PDE1C: variants seen among roughly 807,000 people sequenced by gnomAD.
The protein encoded by PDE1C is dual specificity calcium/calmodulin-dependent 3',5'-cyclic nucleotide phosphodiesterase 1C.
A neutral mutation model predicts 93.1 loss-of-function variants in PDE1C; 62 were observed. That is an observed-to-expected ratio of 0.67 (90% confidence interval 0.54 to 0.82). PDE1C has a LOEUF of 0.82. Among genes scored for constraint, PDE1C ranks in the 40% least tolerant of loss-of-function variants. The pLI, the probability that PDE1C is intolerant of heterozygous loss-of-function variation, is 0.00. For synonymous variants in PDE1C, 325 were observed against 310.1 expected (o/e 1.05, Z -0.50); for missense variants, 742 against 884.6 (o/e 0.84, Z 2.04).
chr7:32,082,963 A>C (rs1364678617), intron 3 of PDE1C, among the ~76,000 whole-genome samples: 1 of 150,634 alleles, frequency 6.6e-6, no homozygotes, highest in African/African-American at 2.5e-5. Context: ...CCTCCAAAGG[A>C]ACGCAGTTCC....
intron 2 of PDE1C, among the ~76,000 whole-genome samples, chr7:31,971,252 G>A (rs888394938): frequency 1.3e-5 from 2 of 152,162 alleles, no homozygotes; most frequent in African/African-American, 2.4e-5. Context: ...ACACTTTGCA[G>A]GGTCTCCCTT....
intron 1 of PDE1C, among the ~76,000 whole-genome samples, chr7:32,324,040 G>A (rs929543724): frequency 6.6e-6 from 1 of 152,068 alleles, no homozygotes; most frequent in Non-Finnish European, 1.5e-5. Context: ...TGCTTTTGTA[G>A]GATATGCAAT....
chr7:32,036,931 T>G lies in PDE1C; in HGVS notation c.128+14623A>C, dbSNP rs190755026. Among the ~76,000 whole-genome samples the G allele has an allele frequency of 3.3e-5, 5 of 152,284 alleles. No individual in the cohort carries two copies. The East Asian group carries it at 9.6e-4, about 29-fold the overall frequency. ...GGGTGGGGTGGGGGTCACAGCAATT[T>G]GTGTTTTAACAGACCTTGCTGGTAA... is the stretch of plus-strand genomic sequence containing the variant. On this transcript the variant is annotated intron_variant, in intron 2 of 17. Transcript: ENST00000396191.
In PDE1C at chr7:32,353,289, C is replaced by G. The variant is rs951417838; in HGVS notation, c.310+74533G>C. ...CACAATTTCAGAGCCTGTTATTGGTCGATTCAGAGATTCAACTTCTTCCTG... is the reference window on the plus strand; with the variant it reads ...CACAATTTCAGAGCCTGTTATTGGTGGATTCAGAGATTCAACTTCTTCCTG... On this transcript the variant is annotated intron_variant, in intron 1 of 1. Coordinates refer to the PDE1C transcript ENST00000672256. 4.9e-4 allele frequency among the ~76,000 whole-genome samples: 4 copies of G among 8,190 alleles called. 1 individual carries two copies. Among genetic ancestry groups the G allele is most frequent in the African/African-American group, 6.3e-4 (4 of 6,352 alleles). The allele number at this position is 8,190 out of a possible 152,430, so 5.4% of individuals were successfully genotyped here.
At chr7:32,220,590 C>T (rs906141759) in intron 1 of PDE1C, among the ~76,000 whole-genome samples, 7 of 151,838 alleles carry the variant, frequency 4.6e-5, no homozygotes, top group Non-Finnish European at 8.8e-5. Context: ...CCGAGGCGGG[C>T]GGATCACGAG....
At chr7:32,319,604 A>G (rs1186102257) in intron 1 of PDE1C, among the ~76,000 whole-genome samples, 1 of 152,248 alleles carries the variant, frequency 6.6e-6, no homozygotes, top group Non-Finnish European at 1.5e-5. Flanking sequence ...GCCATTTGCC[A>G]CAACTCTGTG....
intron 2 of PDE1C, among the ~76,000 whole-genome samples, chr7:31,983,659 G>C (rs1465395289): frequency 1.3e-5 from 2 of 152,114 alleles, no homozygotes; most frequent in Non-Finnish European, 1.5e-5. Flanking sequence ...ATGGTTTACA[G>C]GGAAGGATAC....
intron 1 of PDE1C, among the ~76,000 whole-genome samples, chr7:32,384,402 G>A (rs1784589167): frequency 6.6e-6 from 1 of 152,230 alleles, no homozygotes; most frequent in Non-Finnish European, 1.5e-5. Flanking sequence ...TAATTTGCAA[G>A]ATAAGGGAAG....
At chr7:32,225,968 G>C (rs771565433) in intron 1 of PDE1C, among the ~76,000 whole-genome samples, 1 of 152,166 alleles carries the variant, frequency 6.6e-6, no homozygotes, top group Non-Finnish European at 1.5e-5. Flanking sequence ...TGAGGCAGGA[G>C]AATTGCTTGA....
rs148354191 is a variant in PDE1C at position 32,000,755 on chromosome 7, G to A, written c.128+50799C>T. Reference sequence around the variant, plus strand: ...CCTCCATTCTCTGCCGGGGATGTCTGGTACCCTGGAACCAGAGCCCTTTTC... The same window carrying A: ...CCTCCATTCTCTGCCGGGGATGTCTAGTACCCTGGAACCAGAGCCCTTTTC... On this transcript the variant is annotated intron_variant, in intron 2 of 17. Coordinates refer to ENST00000396191, the MANE Select transcript of PDE1C (RefSeq NM_001191057.4). Among the ~76,000 whole-genome samples the A allele has an allele frequency of 8.0e-3, 1,210 of 152,164 alleles. 11 individuals are homozygous for A. Among genetic ancestry groups the A allele is most frequent in the African/African-American group, 0.026 (1,070 of 41,502 alleles).
intron 1 of PDE1C, among the ~76,000 whole-genome samples, chr7:32,343,794 T>G (rs1217436065): frequency 6.9e-6 from 1 of 144,210 alleles, no homozygotes; most frequent in East Asian, 2.0e-4. Flanking sequence ...ATTTCTGTAT[T>G]TAAATTTTAT....
chr7:32,013,241 C>G (rs748292939), intron 2 of PDE1C, among the ~76,000 whole-genome samples: 3 of 152,148 alleles, frequency 2.0e-5, no homozygotes, highest in Non-Finnish European at 2.9e-5. Context: ...ATCTCCCCTA[C>G]TAGAAACACA....
the PDE1C span, chr7:31,642,821 CTT>C: frequency 6.2e-7 from 1 of 1,613,814 alleles, no homozygotes; most frequent in Non-Finnish European, 8.5e-7. Context: ...GCGAGCATGT[CTT>C]TTTCAAGCCA....
intron 3 of PDE1C, among the ~76,000 whole-genome samples, chr7:32,130,189 C>T (rs1799839061): frequency 6.6e-6 from 1 of 152,066 alleles, no homozygotes; most frequent in African/African-American, 2.4e-5. Flanking sequence ...AAAAGTTATC[C>T]CTTTCGCATT....
intron 3 of PDE1C, among the ~76,000 whole-genome samples, chr7:32,107,271 T>C (rs1250954564): frequency 1.8e-5 from 2 of 111,392 alleles, no homozygotes; most frequent in African/African-American, 7.2e-5. Flanking sequence ...ACAGGTAGGG[T>C]GAGAGGGAGG....
intron 3 of PDE1C, among the ~76,000 whole-genome samples, chr7:32,107,370 G>A (rs1372144469): frequency 6.6e-6 from 1 of 151,822 alleles, no homozygotes; most frequent in Non-Finnish European, 1.5e-5. Flanking sequence ...GAGGGAGCAA[G>A]GGAGGGAAGG....
intron 1 of PDE1C, among the ~76,000 whole-genome samples, chr7:32,318,404 C>G (rs1342605400): frequency 2.0e-5 from 3 of 152,186 alleles, no homozygotes; most frequent in Non-Finnish European, 4.4e-5. Context: ...TGGGAAAACA[C>G]GGGCTCTTCC....
intron 1 of PDE1C, among the ~76,000 whole-genome samples, chr7:32,306,613 T>C (rs987080376): frequency 6.6e-6 from 1 of 152,190 alleles, no homozygotes; most frequent in Non-Finnish European, 1.5e-5. Context: ...GAGATCTTTT[T>C]AAATAAAAAT....
chr7:32,231,040 A>G (rs1807657953), intron 1 of PDE1C, among the ~76,000 whole-genome samples: 1 of 152,224 alleles, frequency 6.6e-6, no homozygotes, highest in South Asian at 2.1e-4. Context: ...ACACCCTGAA[A>G]GAAGGTCTGG....
Sources: allele counts gnomAD v4.1 joint callset (sites outside exome capture counted in the v4.1 genomes callset), GRCh38; gene constraint gnomAD v4.1.1; transcripts MANE v1.5; gene names NCBI Gene and HGNC (gene_info 2026-07-23, HGNC 2026-07-21).